Variants in CCZ1 observed in about 807,000 individuals in gnomAD.
CCZ1 encodes vacuolar fusion protein CCZ1 homolog.
A neutral mutation model predicts 57.8 loss-of-function variants in CCZ1; 19 were observed. The ratio of observed to expected loss-of-function variants is 0.33; its 90% CI spans 0.23 to 0.48. CCZ1 has a LOEUF of 0.48. Among genes scored for constraint, CCZ1 ranks in the 20% least tolerant of loss-of-function variants. CCZ1 has a pLI of 0.99. For missense variants in CCZ1, 200 were observed against 492.0 expected (o/e 0.41, Z 5.61); for synonymous variants, 81 against 167.0 (o/e 0.49, Z 3.97).
chr7:5,911,636 A>C (rs1779035539), intron 8 of CCZ1, among the ~76,000 whole-genome samples: 1 of 149,148 alleles, frequency 6.7e-6, no homozygotes, highest in Admixed American at 6.6e-5. Context: ...ACATGCCTCT[A>C]TCAGGAGGCT....
chr7:5,905,781 C>CAAA (rs796636886), intron 7 of CCZ1, among the ~76,000 whole-genome samples: 462 of 44,336 alleles, frequency 0.01, 66 homozygotes, highest in South Asian at 0.011. Context: ...ACTCTGTCTC[C>CAAA]AAAAAAAAAA....
At chr7:5,899,344 T>G (rs1467512650) in intron 1 of CCZ1, among the ~76,000 whole-genome samples, 70 of 38,834 alleles carry the variant, frequency 1.8e-3, no homozygotes, top group African/African-American at 3.9e-3. Context: ...GGTGTGTGTG[T>G]GTGTGTGTGT....
At chr7:5,911,495 A>G (rs1779027541) in intron 8 of CCZ1, among the ~76,000 whole-genome samples, 2 of 148,644 alleles carry the variant, frequency 1.3e-5, no homozygotes, top group Non-Finnish European at 1.5e-5. Flanking sequence ...GGATCTCGTC[A>G]TGTTGCCCAG....
At chr7:5,903,160 T>A (rs540320447) in intron 6 of CCZ1, among the ~76,000 whole-genome samples, 1 of 149,140 alleles carries the variant, frequency 6.7e-6, no homozygotes, top group South Asian at 2.2e-4. Flanking sequence ...CGTCTTGATG[T>A]AGGTAAGAGT....
rs868209448 is a variant in CCZ1 at position 5,912,556 on chromosome 7, C to G, written c.843-287C>G. The stretch of plus-strand genomic sequence containing the variant: ...CTGGGATTGCAGGTGCCCACCACCA[C>G]GACCAGCTAATTTTTGTAGTTTTAG... On this transcript the variant is annotated intron_variant, in intron 9 of 14. Transcript: ENST00000325974. Among the ~76,000 whole-genome samples, 38 of 146,210 alleles carry G rather than the reference C, an allele frequency of 2.6e-4. 1 individual carries two copies. The highest frequency in any genetic ancestry group is 7.6e-4 in the African/African-American group (30 of 39,330).
At chr7:5,916,598 G>T (rs913736938) in intron 10 of CCZ1, among the ~76,000 whole-genome samples, 1 of 145,844 alleles carries the variant, frequency 6.9e-6, no homozygotes, top group African/African-American at 2.7e-5. Flanking sequence ...CATGTGGACA[G>T]CCCAGTGAGT....
At chr7:5,906,072 T>A (rs1229057789) in intron 7 of CCZ1, among the ~76,000 whole-genome samples, 1 of 146,748 alleles carries the variant, frequency 6.8e-6, no homozygotes, top group Admixed American at 6.7e-5. Context: ...TTCTTTTTTT[T>A]TAATCCAAGA....
intron 1 of CCZ1, among the ~76,000 whole-genome samples, chr7:5,899,376 T>TTTTTTCTGAG (rs1562536505): frequency 9.7e-6 from 1 of 102,670 alleles, no homozygotes; most frequent in Admixed American, 1.3e-4. Context: ...TGTGTGTGTG[T>TTTTTTCTGAG]GTGTGTGGTT....
chr7:5,911,120 C>G (rs1481791911), intron 8 of CCZ1, among the ~76,000 whole-genome samples: 2 of 149,036 alleles, frequency 1.3e-5, no homozygotes, highest in Non-Finnish European at 3.0e-5. Context: ...GTCTTTTCCT[C>G]TATCAACAGG....
At position 5,900,397 on chromosome 7, in the gene CCZ1, G is replaced by T. The variant is rs763439471; in HGVS notation, c.218+16G>T. 2.1e-5 allele frequency: 32 copies of T among 1,552,590 alleles called. 2 individuals carry two copies. Among genetic ancestry groups the T allele is most frequent in the Non-Finnish European group, 2.7e-5 (31 of 1,145,396 alleles). On this transcript the variant is annotated intron_variant, in intron 2 of 14. Coordinates refer to ENST00000325974, the MANE Select transcript of CCZ1 (RefSeq NM_015622.6). ...AGTTTACAAGGTAATACCTCTAAGT[G>T]TGCTTTTAGCGTTCAGTGAATTCTT...
intron 4 of CCZ1, 126 bp from the exon 5 acceptor site, chr7:5,901,531 C>G (rs1781685739): frequency 1.5e-6 from 2 of 1,349,102 alleles, no homozygotes; most frequent in Non-Finnish European, 1.9e-6. Flanking sequence ...CAGCACGCAA[C>G]TATTGTGGGA....
intron 7 of CCZ1, among the ~76,000 whole-genome samples, chr7:5,908,660 G>C (rs1252855148): frequency 1.4e-5 from 2 of 147,436 alleles, no homozygotes; most frequent in Admixed American, 6.7e-5. Context: ...GATTACAGGT[G>C]TGAGCTTCCG....
intron 10 of CCZ1, among the ~76,000 whole-genome samples, chr7:5,915,327 C>T (rs1222508316): frequency 6.8e-6 from 1 of 147,482 alleles, no homozygotes; most frequent in African/African-American, 2.5e-5. Flanking sequence ...GGAAGAATGT[C>T]CGTTTGTGTA....
chr7:5,920,574 C>A (rs1435889136), intron 12 of CCZ1, among the ~76,000 whole-genome samples: 39 of 127,654 alleles, frequency 3.1e-4, no homozygotes, highest in Non-Finnish European at 5.2e-4. Context: ...CAGGCTCAAG[C>A]GATTCTCATG....
Position 5,900,387 on chromosome 7 carries a change from A to G in CCZ1, c.218+6A>G, listed in dbSNP as rs747102323. Reference sequence around the variant, plus strand: ...GCTATTGTACAGTTTACAAGGTAATACCTCTAAGTGTGCTTTTAGCGTTCA... The same window carrying G: ...GCTATTGTACAGTTTACAAGGTAATGCCTCTAAGTGTGCTTTTAGCGTTCA... On this transcript the variant is annotated splice_donor_region_variant and intron_variant, in intron 2 of 14. Transcript: ENST00000325974. 184 of 1,555,760 alleles carry G rather than the reference A, an allele frequency of 1.2e-4. 24 individuals carry two copies. Among genetic ancestry groups the G allele is most frequent in the Non-Finnish European group, 1.5e-4 (167 of 1,147,394 alleles).
intron 10 of CCZ1, among the ~76,000 whole-genome samples, chr7:5,916,493 GTT>G (rs1554282632): frequency 1.3e-4 from 4 of 31,164 alleles, no homozygotes; most frequent in East Asian, 9.3e-4. Flanking sequence ...TTGGGTTTTT[GTT>G]TTGTTTTTTG....
At chr7:5,899,331 G>C (rs1361042068) in intron 1 of CCZ1, among the ~76,000 whole-genome samples, 3,711 of 13,608 alleles carry the variant, frequency 0.27, 109 homozygotes, top group African/African-American at 0.43. Flanking sequence ...ATTTCGGGAG[G>C]GGGGTGTGTG....
intron 7 of CCZ1, among the ~76,000 whole-genome samples, chr7:5,909,726 T>A (rs1298864274): frequency 3.4e-5 from 5 of 145,216 alleles, no homozygotes; most frequent in African/African-American, 1.0e-4. Context: ...AAATTTTTTT[T>A]AATAAAAAAT....
rs1213721078 is a variant in CCZ1 at position 5,920,286 on chromosome 7, C to T, written c.1106+320C>T. Among the ~76,000 whole-genome samples the T allele has an allele frequency of 6.9e-5, 8 of 116,142 alleles. No individual in the cohort carries two copies. In the South Asian group the frequency reaches 7.3e-4, roughly 11 times the overall value. The allele number at this position is 116,142 out of a possible 152,430, so 76.2% of individuals were successfully genotyped here. A position where few individuals can be genotyped will look rare whatever the true frequency, so the allele number is the denominator to read the frequency against. ...TAGTCATCGGCGTGGTCTTGGTGTGCACAGACTGAAAGCATTTTGCCTCTC... is the reference window on the plus strand; with the variant it reads ...TAGTCATCGGCGTGGTCTTGGTGTGTACAGACTGAAAGCATTTTGCCTCTC... On this transcript the variant is annotated intron_variant, in intron 12 of 14. Coordinates refer to ENST00000325974, the MANE Select transcript of CCZ1 (RefSeq NM_015622.6).
Sources: allele counts gnomAD v4.1 joint callset (sites outside exome capture counted in the v4.1 genomes callset), GRCh38; gene constraint gnomAD v4.1.1; transcripts MANE v1.5; gene names NCBI Gene and HGNC (gene_info 2026-07-23, HGNC 2026-07-21).